The following CRTAP variants were observed in gnomAD, a reference collection of about 807,000 sequenced individuals.
CRTAP encodes cartilage associated protein, also known as cartilage-associated protein.
Under a neutral mutation model 42.7 loss-of-function variants are expected in CRTAP, and 33 were observed. That is an observed-to-expected ratio of 0.77 (90% confidence interval 0.59 to 1.03). CRTAP has a LOEUF of 1.03. Among genes scored for constraint, CRTAP ranks in the 50% least tolerant of loss-of-function variants. CRTAP has a pLI of 0.00. For missense variants in CRTAP, 613 were observed against 533.9 expected (o/e 1.15, Z -1.46); for synonymous variants, 243 against 217.7 (o/e 1.12, Z -1.02).
intron 2 of CRTAP, among the ~76,000 whole-genome samples, chr3:33,122,563 G>A (rs1230756413): frequency 1.3e-5 from 2 of 151,894 alleles, no homozygotes; most frequent in African/African-American, 4.8e-5. Context: ...AAAAAAATTA[G>A]CCAGGCGTGG....
chr3:33,133,883 T>G (rs1275866146), intron 5 of CRTAP, among the ~76,000 whole-genome samples: 1 of 152,246 alleles, frequency 6.6e-6, no homozygotes, highest in Non-Finnish European at 1.5e-5. Context: ...TGATCTTTGC[T>G]CTTGTATTTT....
chr3:33,132,683 C>G lies in CRTAP; in HGVS notation c.1051C>G (p.His351Asp). 1 of 1,614,036 alleles carries G rather than the reference C, an allele frequency of 6.2e-7. No homozygotes were observed. The highest frequency in any genetic ancestry group is 8.5e-7 in the Non-Finnish European group (1 of 1,179,956). The change falls in exon 5 of 7, where the codon CAC becomes GAC. Residue 351 changes from histidine (H) to aspartate (D), a missense_variant. Transcript: ENST00000320954. ...GGACACTTGGGGCCTCTCGGATGAGCACTTCCAGCCCAGACCTGTAAGTCT... is the reference window on the plus strand; with the variant it reads ...GGACACTTGGGGCCTCTCGGATGAGGACTTCCAGCCCAGACCTGTAAGTCT... ...HRDTWGLSDE[H>D]FQPRPEAVQF...
At chr3:33,118,671 C>A (rs1215725604) in intron 1 of CRTAP, among the ~76,000 whole-genome samples, 1 of 152,254 alleles carries the variant, frequency 6.6e-6, no homozygotes, top group East Asian at 1.9e-4. Context: ...CTTGGAGCGT[C>A]CCTCTGGATT....
intron 1 of CRTAP, among the ~76,000 whole-genome samples, chr3:33,117,324 G>A (rs1701354251): frequency 6.6e-6 from 1 of 152,112 alleles, no homozygotes; most frequent in African/African-American, 2.4e-5. Flanking sequence ...TTGATCACTG[G>A]AATAGCAATG....
At chr3:33,114,589 C>A (rs1028990727) in intron 1 of CRTAP, 41 bp downstream of exon 1, 7 of 1,539,098 alleles carry the variant, frequency 4.5e-6, no homozygotes, top group Non-Finnish European at 6.1e-6. Flanking sequence ...GGCCCCGCCC[C>A]TGACCCAGCC....
chr3:33,114,227 C>T lies in CRTAP; in HGVS notation c.150C>T (p.His50=). Residue 50 remains histidine (H), a synonymous_variant, in exon 1 of 7, where the codon CAC becomes CAT. Transcript: ENST00000320954. ...TGCCGCTCGAGTCGGCCTACCGGCA[C>T]GCGCTGGACAAGTACAGCGGCGAGC... ...ELMPLESAYR[H]ALDKYSGEHW... is the part of the protein sequence containing the mutation. 6 of 1,592,228 alleles carry T rather than the reference C, an allele frequency of 3.8e-6. No homozygotes were observed. The highest frequency in any genetic ancestry group is 4.3e-6 in the Non-Finnish European group (5 of 1,175,386).
chr3:33,114,837 G>A (rs964023535), intron 1 of CRTAP, among the ~76,000 whole-genome samples: 16 of 152,252 alleles, frequency 1.1e-4, no homozygotes, highest in Non-Finnish European at 2.4e-4. Context: ...TCTGTTATTT[G>A]AGGGCAGACG....
At chr3:33,129,873 G>A in intron 3 of CRTAP, 66 bp from the exon 4 acceptor site, 1 of 1,497,166 alleles carries the variant, frequency 6.7e-7, no homozygotes, top group Non-Finnish European at 9.3e-7. Flanking sequence ...CATTTGGGCA[G>A]GAGGCAGTAG....
intron 6 of CRTAP, among the ~76,000 whole-genome samples, chr3:33,141,791 C>T (rs1027396110): frequency 7.2e-5 from 11 of 152,168 alleles, no homozygotes; most frequent in African/African-American, 1.9e-4. Context: ...AGGCTGATTG[C>T]AGAAGGAGGG....
At position 33,114,908 on chromosome 3, in the gene CRTAP, T is replaced by C. The variant is rs563377741; in HGVS notation, c.471+360T>C. ...TTCTCAAGTGAGCGGTGACTTGCGA[T>C]AATAAAGCAGAAGACCTGAGGAGCC... On this transcript the variant is annotated intron_variant, in intron 1 of 6. Transcript: ENST00000320954. 6.6e-5 allele frequency among the ~76,000 whole-genome samples: 10 copies of C among 152,310 alleles called. No individual in the cohort carries two copies. In the South Asian group the frequency reaches 2.1e-3, roughly 32 times the overall value.
Position 33,142,434 on chromosome 3 carries a change from G to A in CRTAP, c.1192G>A (p.Glu398Lys), listed in dbSNP as rs201513139. The A allele has an allele frequency of 6.2e-7, 1 of 1,614,152 alleles. No homozygotes were observed. Among genetic ancestry groups the A allele is most frequent in the Admixed American group, 1.7e-5 (1 of 60,028 alleles). The change falls in exon 7 of 7, where the codon GAG (glutamate) becomes AAG (lysine). Residue 398 changes from glutamate (E) to lysine (K), a missense_variant. Physicochemically the swap from Glu to Lys is moderately conservative, Grantham distance 56. Coordinates refer to ENST00000320954, the MANE Select transcript of CRTAP (RefSeq NM_006371.5). ...VEYVDDLLEL[E>K]ETS ...ATATGTGGATGACCTCTTGGAACTGGAGGAGACCAGCTAGCCCACAGCAAC... is the reference window on the plus strand; with the variant it reads ...ATATGTGGATGACCTCTTGGAACTGAAGGAGACCAGCTAGCCCACAGCAAC...
In CRTAP at chr3:33,129,805, G is replaced by T. The variant is rs1247358941; in HGVS notation, c.794-134G>T. 4 of 755,554 alleles carry T rather than the reference G, an allele frequency of 5.3e-6. No individual in the cohort carries two copies. In the South Asian group the frequency reaches 5.7e-5, roughly 11 times the overall value. 46.8% of individuals were successfully genotyped at this position (755,554 alleles called of 1,614,324 possible). A position where few individuals can be genotyped will look rare whatever the true frequency, so the allele number is the denominator to read the frequency against. ...GCCCGCCTCAGCCTCCCGAAGTGCTGGGATTACAGGCGTGAGCCACCGCGC... is the reference window on the plus strand; with the variant it reads ...GCCCGCCTCAGCCTCCCGAAGTGCTTGGATTACAGGCGTGAGCCACCGCGC... On this transcript the variant is annotated intron_variant, in intron 3 of 6. Transcript: ENST00000320954.
chr3:33,114,125 C>T lies in CRTAP; in HGVS notation c.48C>T (p.Cys16=). Residue 16 remains cysteine (C), a synonymous_variant, in exon 1 of 7, where the codon TGC becomes TGT. Coordinates refer to ENST00000320954, the MANE Select transcript of CRTAP (RefSeq NM_006371.5). ...RGAAALLALL[C]VACALRAGRA... ...CCGCGGCGCTGCTAGCGCTGCTGTG[C>T]GTGGCCTGCGCGCTGCGCGCCGGGC... The T allele has an allele frequency of 6.4e-7, 1 of 1,557,060 alleles. No homozygotes were observed.
At chr3:33,137,079 T>C (rs878899986) in intron 6 of CRTAP, among the ~76,000 whole-genome samples, 2 of 152,188 alleles carry the variant, frequency 1.3e-5, no homozygotes, top group Non-Finnish European at 1.5e-5. Flanking sequence ...CTTTTTTTTT[T>C]AATAGCCATG....
In CRTAP at chr3:33,120,470, G is replaced by C. The variant is rs1421434731; in HGVS notation, c.598G>C (p.Asp200His). The change falls in exon 2 of 7, where the codon GAC becomes CAC. Residue 200 changes from aspartate to histidine, a missense_variant. Coordinates refer to ENST00000320954, the MANE Select transcript of CRTAP (RefSeq NM_006371.5). ...SLPGAEDYIK[D>H]LETKSYESLF... ...GCCTGGTGCCGAGGACTACATTAAA[G>C]ACCTGGAAACCAAGTCATATGAAGT... 1 of 1,611,822 alleles carries C rather than the reference G, an allele frequency of 6.2e-7. No homozygotes were observed. Among genetic ancestry groups the C allele is most frequent in the African/African-American group, 1.3e-5 (1 of 74,968 alleles).
At chr3:33,118,564 C>T (rs921238638) in intron 1 of CRTAP, among the ~76,000 whole-genome samples, 2 of 152,234 alleles carry the variant, frequency 1.3e-5, no homozygotes, top group Admixed American at 6.5e-5. Context: ...TGGGGCAATT[C>T]GGTACCGATA....
intron 6 of CRTAP, among the ~76,000 whole-genome samples, chr3:33,141,471 A>AT (rs1222106585): frequency 6.6e-6 from 1 of 152,210 alleles, no homozygotes; most frequent in Non-Finnish European, 1.5e-5. Flanking sequence ...CATGTACTTG[A>AT]TAGGTTTTCC....
Position 33,120,496 on chromosome 3 carries a change from A to G in CRTAP, c.621+3A>G, listed in dbSNP as rs747155873. The G allele has an allele frequency of 3.1e-6, 5 of 1,606,432 alleles. No homozygotes were observed. The highest frequency in any genetic ancestry group is 4.5e-5 in the East Asian group (2 of 44,478). ...ACCTGGAAACCAAGTCATATGAAGT[A>G]TGTTTGGATTTTTATGTGGCAGTTA... On this transcript the variant is annotated splice_donor_region_variant and intron_variant, in intron 2 of 6. Coordinates refer to ENST00000320954, the MANE Select transcript of CRTAP (RefSeq NM_006371.5).
intron 3 of CRTAP, 131 bp downstream of exon 3, chr3:33,124,710 A>G: frequency 1.9e-6 from 2 of 1,028,850 alleles, no homozygotes; most frequent in Non-Finnish European, 3.0e-6. Context: ...ATTAACGGGT[A>G]ACTGAGGGTA....
Sources: allele counts gnomAD v4.1 joint callset (sites outside exome capture counted in the v4.1 genomes callset), GRCh38; gene constraint gnomAD v4.1.1; transcripts MANE v1.5; gene names NCBI Gene and HGNC (gene_info 2026-07-23, HGNC 2026-07-21).